The following FBXW11 variants were observed in gnomAD, a reference collection of about 807,000 sequenced individuals.
FBXW11 encodes F-box and WD repeat domain containing 11, also known as F-box/WD repeat-containing protein 11.
Under a neutral mutation model 77.6 loss-of-function variants are expected in FBXW11, and 19 were observed. The observed-to-expected ratio is 0.24, with a 90% CI of 0.17 to 0.36. FBXW11 has a LOEUF of 0.36. Ranked by LOEUF, FBXW11 falls within the 10% of genes least tolerant of loss-of-function variation. The pLI, the probability that FBXW11 is intolerant of heterozygous loss-of-function variation, is 1.00. For synonymous variants in FBXW11, 235 were observed against 249.4 expected (o/e 0.94, Z 0.54); for missense variants, 334 against 704.2 (o/e 0.47, Z 5.95).
At chr5:171,957,721 G>A in intron 1 of FBXW11, 23 bp from the exon 2 acceptor site, 2 of 1,602,814 alleles carry the variant, frequency 1.2e-6, no homozygotes, top group Non-Finnish European at 1.7e-6. Context: ...AAAAAGGAAG[G>A]AAGAGAAGAA....
intron 4 of FBXW11, among the ~76,000 whole-genome samples, chr5:171,905,566 G>A (rs1028090049): frequency 1.4e-5 from 2 of 147,850 alleles, no homozygotes; most frequent in African/African-American, 5.0e-5. Context: ...AAAATACTAC[G>A]CATCTCCTCC....
chr5:171,980,033 T>C (rs1765060426), intron 1 of FBXW11, among the ~76,000 whole-genome samples: 1 of 152,170 alleles, frequency 6.6e-6, no homozygotes, highest in Non-Finnish European at 1.5e-5. Flanking sequence ...AAAAACACCT[T>C]CAAATAAGGA....
chr5:171,906,690 G>A (rs1314433774), intron 4 of FBXW11, among the ~76,000 whole-genome samples: 1 of 152,120 alleles, frequency 6.6e-6, no homozygotes, highest in African/African-American at 2.4e-5. Context: ...CCACACAGAG[G>A]AGGAAACTGA....
chr5:171,996,958 C>G (rs1344186933), intron 1 of FBXW11: 1 of 1,289,802 alleles, frequency 7.8e-7, no homozygotes, highest in South Asian at 1.2e-5. Context: ...TCAGACTAGT[C>G]TGAGAAAAGA....
intron 13 of FBXW11, 49 bp downstream of exon 13, chr5:171,868,561 G>T: frequency 6.8e-7 from 1 of 1,478,906 alleles, no homozygotes; most frequent in South Asian, 1.3e-5. Flanking sequence ...TCCCCAAAGG[G>T]AAGGTGAATT....
chr5:171,901,346 G>A (rs6864056), intron 4 of FBXW11, among the ~76,000 whole-genome samples: 3 of 152,158 alleles, frequency 2.0e-5, no homozygotes, highest in African/African-American at 4.8e-5. Context: ...TAAACTTTCA[G>A]AGTCAGTTTC....
intron 2 of FBXW11, among the ~76,000 whole-genome samples, chr5:171,934,588 A>G (rs1762373896): frequency 6.6e-6 from 1 of 151,740 alleles, no homozygotes; most frequent in Non-Finnish European, 1.5e-5. Context: ...GAGGCACAAG[A>G]ATTGCTTGAA....
At chr5:171,972,502 TAAA>T (rs70982360) in intron 1 of FBXW11, among the ~76,000 whole-genome samples, 3 of 48,218 alleles carry the variant, frequency 6.2e-5, no homozygotes, top group Non-Finnish European at 9.8e-5. Flanking sequence ...CTCTGTCTCA[TAAA>T]AAAAAAAAAA....
At chr5:171,916,659 GGGAGCAGTGACTC>G (rs1445410647) in intron 2 of FBXW11, among the ~76,000 whole-genome samples, 1 of 152,170 alleles carries the variant, frequency 6.6e-6, no homozygotes, top group Non-Finnish European at 1.5e-5. Flanking sequence ...TAAAGAAAGG[GGGAGCAGTGACTC>G]AGTACAGCAT....
intron 6 of FBXW11, among the ~76,000 whole-genome samples, chr5:171,892,816 C>T (rs1759443622): frequency 6.6e-6 from 1 of 152,210 alleles, no homozygotes; most frequent in Non-Finnish European, 1.5e-5. Flanking sequence ...ACCTGTTACA[C>T]TTCAGTTCAG....
At chr5:171,992,287 G>C (rs763370497) in intron 1 of FBXW11, among the ~76,000 whole-genome samples, 35 of 151,804 alleles carry the variant, frequency 2.3e-4, no homozygotes, top group Non-Finnish European at 2.9e-4. Flanking sequence ...AATTAGCCGG[G>C]TGGGTTGGCA....
chr5:171,874,666 A>ATGG (rs1561635510), intron 9 of FBXW11, among the ~76,000 whole-genome samples: 2 of 148,830 alleles, frequency 1.3e-5, no homozygotes, highest in Non-Finnish European at 3.0e-5. Flanking sequence ...GGATTGTAAA[A>ATGG]TGGTACAGCG....
intron 6 of FBXW11, among the ~76,000 whole-genome samples, chr5:171,896,504 A>C (rs1192803729): frequency 2.0e-5 from 3 of 152,202 alleles, no homozygotes; most frequent in African/African-American, 7.2e-5. Flanking sequence ...CAATTAGAGA[A>C]AGAGGCAAAG....
chr5:171,930,729 TAAATAAAAAATAAA>T (rs1188874995), intron 2 of FBXW11, among the ~76,000 whole-genome samples: 1 of 59,332 alleles, frequency 1.7e-5, no homozygotes, highest in Non-Finnish European at 3.8e-5. Context: ...ATAAAAAAAA[TAAATAAAAAATAAA>T]AAATAAAAAA....
At chr5:171,973,788 G>C (rs1027404271) in intron 1 of FBXW11, among the ~76,000 whole-genome samples, 7 of 152,120 alleles carry the variant, frequency 4.6e-5, no homozygotes, top group African/African-American at 1.7e-4. Flanking sequence ...TGAGAATTCT[G>C]TACAACCTAC....
At chr5:171,970,401 C>A (rs576411724) in intron 1 of FBXW11, among the ~76,000 whole-genome samples, 1 of 152,308 alleles carries the variant, frequency 6.6e-6, no homozygotes, top group Non-Finnish European at 1.5e-5. Flanking sequence ...TGAGGCCTCC[C>A]AGCCATGCAG....
intron 4 of FBXW11, among the ~76,000 whole-genome samples, chr5:171,902,460 T>G (rs879808743): frequency 2.0e-5 from 3 of 152,200 alleles, no homozygotes; most frequent in Non-Finnish European, 4.4e-5. Context: ...ACTTTTCACA[T>G]TCTGTATACA....
At chr5:171,886,625 AAAAG>A (rs1758907223) in intron 7 of FBXW11, among the ~76,000 whole-genome samples, 1 of 152,056 alleles carries the variant, frequency 6.6e-6, no homozygotes, top group Admixed American at 6.6e-5. Context: ...TTGATAGAAA[AAAAG>A]AAAAACCACC....
At chr5:171,961,228 G>C (rs1405652415) in intron 1 of FBXW11, among the ~76,000 whole-genome samples, 1 of 152,150 alleles carries the variant, frequency 6.6e-6, no homozygotes, top group Non-Finnish European at 1.5e-5. Context: ...CACCCAAGCT[G>C]GTGTGTGATG....
Sources: allele counts gnomAD v4.1 joint callset (sites outside exome capture counted in the v4.1 genomes callset), GRCh38; gene constraint gnomAD v4.1.1; transcripts MANE v1.5; gene names NCBI Gene and HGNC (gene_info 2026-07-23, HGNC 2026-07-21).